Variants in LRP5 observed in about 807,000 individuals in gnomAD.
The protein encoded by LRP5 is low-density lipoprotein receptor-related protein 5.
Under a neutral mutation model 154.1 loss-of-function variants are expected in LRP5, and 62 were observed. The ratio of observed to expected loss-of-function variants is 0.40; its 90% CI spans 0.33 to 0.50. The LOEUF is 0.50. Among genes scored for constraint, LRP5 ranks in the 20% least tolerant of loss-of-function variants. LRP5 has a pLI of 0.55. For synonymous variants in LRP5, 966 were observed against 1,011.5 expected (o/e 0.96, Z 0.85); for missense variants, 1,915 against 2,336.7 (o/e 0.82, Z 3.72).
At position 68,403,684 on chromosome 11, in the gene LRP5, G is replaced by A. The variant is rs1474661423; in HGVS notation, c.1786G>A (p.Val596Met). ...PDLMGLKAVN[V>M]AKVVGTNPCA... ...CCTGATGGGGCTCAAAGCTGTGAAT[G>A]TGGCCAAGGTCGTCGGTGAGTCCGG... Residue 596 changes from valine to methionine, a missense_variant, in exon 8 of 23, where the codon GTG becomes ATG. Physicochemically the swap from Val to Met is conservative, Grantham distance 21 (BLOSUM62 1). This residue lies in a region of LRP5 where 773 missense variants were observed against 1,100.9 expected (regional missense o/e 0.70). Coordinates refer to ENST00000294304, the MANE Select transcript of LRP5 (RefSeq NM_002335.4). The A allele has an allele frequency of 6.2e-6, 10 of 1,613,958 alleles. No homozygotes were observed. The highest frequency in any genetic ancestry group is 8.5e-6 in the Non-Finnish European group (10 of 1,180,048).
At chr11:68,443,585 A>AT (rs1219762322) in intron 21 of LRP5, among the ~76,000 whole-genome samples, 29 of 24,844 alleles carry the variant, frequency 1.2e-3, no homozygotes, top group African/African-American at 4.1e-3. Context: ...ATATATATAT[A>AT]TTTTTTTTTT....
chr11:68,314,382 C>T (rs533973958), intron 1 of LRP5, among the ~76,000 whole-genome samples: 1 of 152,250 alleles, frequency 6.6e-6, no homozygotes, highest in African/African-American at 2.4e-5. Flanking sequence ...ATTATTTTAA[C>T]ATTAGGCAGC....
chr11:68,320,743 T>A (rs1475428115), intron 1 of LRP5, among the ~76,000 whole-genome samples: 1 of 152,186 alleles, frequency 6.6e-6, no homozygotes, highest in Non-Finnish European at 1.5e-5. Flanking sequence ...ATTACAGACA[T>A]AAGCCACGGT....
intron 1 of LRP5, among the ~76,000 whole-genome samples, chr11:68,345,580 C>T (rs1565332970): frequency 6.6e-6 from 1 of 152,258 alleles, no homozygotes; most frequent in African/African-American, 2.4e-5. Flanking sequence ...AGCCACCATG[C>T]CTGGCTGCCT....
At chr11:68,350,516 C>T (rs1481827720) in intron 2 of LRP5, among the ~76,000 whole-genome samples, 1 of 152,246 alleles carries the variant, frequency 6.6e-6, no homozygotes, top group Non-Finnish European at 1.5e-5. Flanking sequence ...GGGCTCTAGT[C>T]CTGGGGCCAC....
At chr11:68,388,798 G>T (rs1370033731) in intron 6 of LRP5, among the ~76,000 whole-genome samples, 2 of 152,188 alleles carry the variant, frequency 1.3e-5, no homozygotes, top group Non-Finnish European at 2.9e-5. Flanking sequence ...GAGTCCAAGG[G>T]CTGGTGTGGT....
chr11:68,422,031 G>A (rs578049590), intron 13 of LRP5, among the ~76,000 whole-genome samples: 2 of 152,070 alleles, frequency 1.3e-5, no homozygotes, highest in African/African-American at 2.4e-5. Flanking sequence ...AGGCTGAAGC[G>A]ATCCTCCCAC....
chr11:68,411,289 C>T (rs1248533387), intron 10 of LRP5, 147 bp from the exon 11 acceptor site: 8 of 793,514 alleles, frequency 1.0e-5, no homozygotes, highest in South Asian at 1.7e-5. Flanking sequence ...TCGAGGGTCT[C>T]GCCCTTCCCT....
intron 12 of LRP5, among the ~76,000 whole-genome samples, chr11:68,414,747 G>T (rs1447340919): frequency 6.6e-6 from 1 of 152,104 alleles, no homozygotes; most frequent in Non-Finnish European, 1.5e-5. Flanking sequence ...GGAGTCTCAC[G>T]CAGACCTGGT....
intron 1 of LRP5, among the ~76,000 whole-genome samples, chr11:68,347,611 C>CA (rs2098614222): frequency 6.6e-6 from 1 of 152,222 alleles, no homozygotes; most frequent in Admixed American, 6.5e-5. Context: ...CAAACAGGTG[C>CA]TGTCACCGAA....
In LRP5 at chr11:68,338,744, G is replaced by A. The variant is rs1203547563; in HGVS notation, c.92-9103G>A. Among the ~76,000 whole-genome samples the A allele has an allele frequency of 3.3e-5, 5 of 152,112 alleles. No homozygotes were observed. In the South Asian group the frequency reaches 8.3e-4, roughly 25 times the overall value. On this transcript the variant is annotated intron_variant, in intron 1 of 22. Transcript: ENST00000294304. ...CCAACTGGGAATCCAGGCAAAAGAA[G>A]ACGTTCCCAGGGGAAGCCAGCCTGC...
At chr11:68,324,688 G>T (rs1284807513) in intron 1 of LRP5, among the ~76,000 whole-genome samples, 2 of 152,244 alleles carry the variant, frequency 1.3e-5, no homozygotes. Context: ...AGCCCCTTCT[G>T]CTCATCGTCC....
chr11:68,382,719 T>C (rs769463486), intron 5 of LRP5, among the ~76,000 whole-genome samples: 16 of 151,890 alleles, frequency 1.1e-4, no homozygotes, highest in Non-Finnish European at 2.1e-4. Flanking sequence ...GGGATTGAAG[T>C]GTTTGAGGAA....
At chr11:68,420,432 G>A (rs886929125) in intron 13 of LRP5, among the ~76,000 whole-genome samples, 4 of 152,120 alleles carry the variant, frequency 2.6e-5, no homozygotes, top group Admixed American at 6.6e-5. Context: ...GGCTGGGCGC[G>A]GTGGCTCACA....
At chr11:68,434,434 C>T (rs2098673776) in intron 18 of LRP5, among the ~76,000 whole-genome samples, 2 of 152,084 alleles carry the variant, frequency 1.3e-5, no homozygotes, top group African/African-American at 4.8e-5. Flanking sequence ...GGCTGGAGTG[C>T]CCTGGTGTAA....
upstream of LRP5, among the ~76,000 whole-genome samples, chr11:68,310,754 C>CAAA (rs756320384): frequency 2.2e-4 from 14 of 63,892 alleles, no homozygotes; most frequent in Admixed American, 3.5e-4. Context: ...GACCCTGTCT[C>CAAA]AAAAAAAAAA....
At chr11:68,391,385 CCT>C (rs1474858536) in intron 7 of LRP5, among the ~76,000 whole-genome samples, 2 of 152,228 alleles carry the variant, frequency 1.3e-5, no homozygotes, top group African/African-American at 4.8e-5. Context: ...TGGATGCCTC[CCT>C]CTGTTTCCAG....
intron 1 of LRP5, among the ~76,000 whole-genome samples, chr11:68,338,659 TTG>T (rs2098607037): frequency 6.6e-6 from 1 of 152,054 alleles, no homozygotes; most frequent in Non-Finnish European, 1.5e-5. Context: ...TGTACTGAGT[TTG>T]TGCTGAGCAG....
At chr11:68,426,325 G>T in intron 16 of LRP5, 138 bp downstream of exon 16, 3 of 701,916 alleles carry the variant, frequency 4.3e-6, no homozygotes, top group South Asian at 1.9e-5. Flanking sequence ...TGCCCGCTGG[G>T]GTTCAGCGAC....
Sources: allele counts gnomAD v4.1 joint callset (sites outside exome capture counted in the v4.1 genomes callset), GRCh38; gene constraint gnomAD v4.1.1; regional missense constraint gnomAD v4.1.1; transcripts MANE v1.5; gene names NCBI Gene and HGNC (gene_info 2026-07-23, HGNC 2026-07-21).